BAD: variants seen among roughly 807,000 people sequenced by gnomAD.
The protein encoded by BAD is bcl2-associated agonist of cell death.
In BAD, 18 loss-of-function variants were observed where a neutral mutation model predicts 17.8. The ratio of observed to expected loss-of-function variants is 1.01; its 90% confidence interval spans 0.70 to 1.50. The LOEUF is 1.50. BAD is among the 40% of genes most tolerant of loss of function. The probability of loss-of-function intolerance (pLI) is 0.00; values close to 1 mark genes in which losing one functional copy is unlikely to be tolerated. For missense variants in BAD, 294 were observed against 239.3 expected (o/e 1.23, Z -1.51); for synonymous variants, 112 against 91.5 (o/e 1.22, Z -1.28).
intron 2 of BAD, among the ~76,000 whole-genome samples, chr11:64,273,923 ATGTC>A (rs1219355715): frequency 6.6e-6 from 1 of 150,866 alleles, no homozygotes; most frequent in Non-Finnish European, 1.5e-5. Flanking sequence ...ATGGCAAGAT[ATGTC>A]TGTCAGGGAG....
chr11:64,271,624 C>A lies in BAD; in HGVS notation c.367G>T (p.Asp123Tyr). The A allele has an allele frequency of 6.7e-7, 1 of 1,496,756 alleles. No individual in the cohort carries two copies. Among genetic ancestry groups the A allele is most frequent in the Non-Finnish European group, 8.9e-7 (1 of 1,122,978 alleles). The allele number at this position is 1,496,756 out of a possible 1,614,324, so 92.7% of individuals were successfully genotyped here. The stretch of plus-strand genomic sequence containing the variant: ...GGACTGGCGCTCACCTTAAAGGAGT[C>A]CACAAACTCGTCACTCATCCTCCGG... ...ELRRMSDEFV[D>Y]SFKKGLPRPK... is the part of the protein sequence containing the mutation. Residue 123 changes from aspartate to tyrosine, a missense_variant, in exon 3 of 4, where the codon GAC becomes TAC. Physicochemically the swap from Asp to Tyr is radical, Grantham distance 160. Coordinates refer to ENST00000309032, the MANE Select transcript of BAD (RefSeq NM_032989.3).
intron 2 of BAD, chr11:64,277,186 T>C: frequency 3.5e-6 from 2 of 579,592 alleles, no homozygotes; most frequent in Non-Finnish European, 6.2e-6. Flanking sequence ...GTTTGGATCC[T>C]GCCCCTACCA....
At chr11:64,280,783 T>G (rs2033416094) in intron 2 of BAD, among the ~76,000 whole-genome samples, 1 of 151,810 alleles carries the variant, frequency 6.6e-6, no homozygotes, top group African/African-American at 2.4e-5. Flanking sequence ...TTCTCCTGCC[T>G]CAGCCTCTCA....
chr11:64,270,106 G>A lies in BAD; in HGVS notation c.*103C>T. On this transcript the variant is annotated 3_prime_UTR_variant, in exon 4 of 4. Transcript: ENST00000309032. ...CCCTCCCTCCAAAGGAGACAGCACG[G>A]ATCCTCTTTTTGCATAGGCCTGAGG... The A allele has an allele frequency of 1.3e-6, 2 of 1,561,650 alleles. No homozygotes were observed. Among genetic ancestry groups the A allele is most frequent in the Non-Finnish European group, 1.7e-6 (2 of 1,143,534 alleles).
rs1491175311 is a variant in BAD at position 64,270,898 on chromosome 11, G to GACACACAC, written c.379-562_379-561insGTGTGTGT. ...GACTACAGATCCCAGCATGCCCTGT[G>GACACACAC]AGACACACACACACACACACACACA... On this transcript the variant is annotated intron_variant, in intron 3 of 3. Coordinates refer to ENST00000309032, the MANE Select transcript of BAD (RefSeq NM_032989.3). Among the ~76,000 whole-genome samples, 243 of 86,916 alleles carry GACACACAC rather than the reference G, an allele frequency of 2.8e-3. 25 individuals are homozygous for GACACACAC. Among genetic ancestry groups the GACACACAC allele is most frequent in the Non-Finnish European group, 3.9e-3 (166 of 42,416 alleles). 57.0% of individuals were successfully genotyped at this position (86,916 alleles called of 152,430 possible).
At chr11:64,280,934 C>G (rs948673063) in intron 2 of BAD, among the ~76,000 whole-genome samples, 5 of 151,456 alleles carry the variant, frequency 3.3e-5, no homozygotes, top group African/African-American at 1.2e-4. Flanking sequence ...TCCCGATGTG[C>G]TGGGATTACA....
At chr11:64,278,040 C>A (rs989116475) in intron 2 of BAD, among the ~76,000 whole-genome samples, 1 of 152,146 alleles carries the variant, frequency 6.6e-6, no homozygotes, top group African/African-American at 2.4e-5. Context: ...GTAATCCCAA[C>A]ACTTTGGGAG....
At chr11:64,277,041 T>A in intron 2 of BAD, 1 of 713,786 alleles carries the variant, frequency 1.4e-6, no homozygotes, top group East Asian at 2.7e-5. Flanking sequence ...TACGAAGTTC[T>A]CCCTGTTTTA....
intron 2 of BAD, among the ~76,000 whole-genome samples, chr11:64,279,601 A>G (rs1026768738): frequency 6.6e-6 from 1 of 151,652 alleles, no homozygotes; most frequent in African/African-American, 2.4e-5. Flanking sequence ...CCCCGTCTCC[A>G]CTAAAAACAC....
intron 2 of BAD, among the ~76,000 whole-genome samples, chr11:64,283,580 C>T (rs949154925): frequency 1.3e-5 from 2 of 152,208 alleles, no homozygotes; most frequent in East Asian, 1.9e-4. Flanking sequence ...GCTGTGGGTA[C>T]GAGCCACAGG....
intron 3 of BAD, among the ~76,000 whole-genome samples, 197 bp downstream of exon 3, chr11:64,271,416 G>T (rs560044787): frequency 1.0e-4 from 15 of 149,100 alleles, no homozygotes; most frequent in African/African-American, 3.4e-4. Context: ...CCAGGCGGGG[G>T]AAGAGCTGGG....
In BAD at chr11:64,284,391, T is replaced by A. The variant is rs371764981; in HGVS notation, c.-8-15A>T. 2 of 1,611,984 alleles carry A rather than the reference T, an allele frequency of 1.2e-6. No homozygotes were observed. Among genetic ancestry groups the A allele is most frequent in the Non-Finnish European group, 1.7e-6 (2 of 1,179,918 alleles). On this transcript the variant is annotated splice_polypyrimidine_tract_variant and intron_variant, in intron 1 of 3. Transcript: ENST00000309032. Reference sequence around the variant, plus strand: ...CATGCTCTGGGCTGTGAGGACAAGATGTTACGTAGTCAAGGCACAGCTGGG... The same window carrying A: ...CATGCTCTGGGCTGTGAGGACAAGAAGTTACGTAGTCAAGGCACAGCTGGG...
At chr11:64,282,174 C>T (rs1190590004) in intron 2 of BAD, among the ~76,000 whole-genome samples, 1 of 152,202 alleles carries the variant, frequency 6.6e-6, no homozygotes, top group East Asian at 1.9e-4. Flanking sequence ...GGCCCCCTAG[C>T]AACTGGAACA....
At position 64,269,949 on chromosome 11, in the gene BAD, C is replaced by G. The variant is rs796510497; in HGVS notation, c.*260G>C. 2.3e-5 allele frequency: 17 copies of G among 733,262 alleles called. No individual in the cohort carries two copies. In the African/African-American group the frequency reaches 3.0e-4, roughly 13 times the overall value. The allele number at this position is 733,262 out of a possible 1,614,324, so 45.4% of individuals were successfully genotyped here. On this transcript the variant is annotated 3_prime_UTR_variant, in exon 4 of 4. Transcript: ENST00000309032. ...CTGGCTCGCGACTTAGCGCAGGCGC[C>G]TGGGGGAAAGCCCGGAGCCTGAGGG...
chr11:64,277,062 A>C (rs1351739027), intron 2 of BAD: 3 of 706,342 alleles, frequency 4.2e-6, no homozygotes, highest in Non-Finnish European at 7.9e-6. Context: ...TAGATGAGGA[A>C]ACAGAGGCAC....
At position 64,284,344 on chromosome 11, in the gene BAD, G is replaced by A. The variant is rs2033699075; in HGVS notation, c.25C>T (p.Pro9Ser). 2 of 1,612,846 alleles carry A rather than the reference G, an allele frequency of 1.2e-6. No individual in the cohort carries two copies. The highest frequency in any genetic ancestry group is 1.7e-6 in the Non-Finnish European group (2 of 1,179,978). The change falls in exon 2 of 4, where the codon CCG (proline) becomes TCG (serine). Residue 9 changes from proline (P) to serine (S), a missense_variant. By Grantham distance (74) the Pro-to-Ser change is moderately conservative (BLOSUM62 -1). Transcript: ENST00000309032. MFQIPEFEPSEQEDSSSAE... is the reference protein window; with the variant it reads MFQIPEFESSEQEDSSSAE... ...GAGCTGGAGTCTTCCTGCTCACTCG[G>A]CTCAAACTCTGGGATCTGGAACATG...
chr11:64,284,619 C>T lies in BAD; in HGVS notation c.-9+12G>A. Reference sequence around the variant, plus strand: ...CCCCGCCCCGCCCGTGGTGACGGCGCACAGGTCTCACCCCAAGCCCGATCT... The same window carrying T: ...CCCCGCCCCGCCCGTGGTGACGGCGTACAGGTCTCACCCCAAGCCCGATCT... On this transcript the variant is annotated intron_variant, in intron 1 of 3. Transcript: ENST00000309032. The T allele has an allele frequency of 6.6e-7, 1 of 1,513,010 alleles. No homozygotes were observed. Among genetic ancestry groups the T allele is most frequent in the Non-Finnish European group, 8.8e-7 (1 of 1,134,938 alleles). The allele number at this position is 1,513,010 out of a possible 1,614,324, so 93.7% of individuals were successfully genotyped here.
At position 64,270,239 on chromosome 11, in the gene BAD, C is replaced by T. The variant is rs2032405752; in HGVS notation, c.477G>A (p.Leu159=). 1 of 1,612,232 alleles carries T rather than the reference C, an allele frequency of 6.2e-7. No homozygotes were observed. The highest frequency in any genetic ancestry group is 1.3e-5 in the African/African-American group (1 of 75,040). Residue 159 remains leucine, a synonymous_variant, in exon 4 of 4, where the codon TTG becomes TTA. Coordinates refer to ENST00000309032, the MANE Select transcript of BAD (RefSeq NM_032989.3). ...GGGAGGGGGCGGAGCTTCCCCTGCC[C>T]AAGTTCCGATCCCACCAGGACTGGA... ...RVFQSWWDRN[L]GRGSSAPSQ is the part of the protein sequence containing the mutation.
rs1306692120 is a variant in BAD, at chr11:64,269,842, G to T, written c.*367C>A. 1.4e-6 allele frequency: 1 copy of T among 694,066 alleles called. No individual in the cohort carries two copies. The highest frequency in any genetic ancestry group is 2.6e-6 in the Non-Finnish European group (1 of 381,594). 43.0% of individuals were successfully genotyped at this position (694,066 alleles called of 1,614,324 possible). ...ACAGAAAAGCCTCGGCGGCACAGAC[G>T]CGGGCTTTATTAACATTTGGTAGTG... On this transcript the variant is annotated 3_prime_UTR_variant, in exon 4 of 4. Transcript: ENST00000309032.
Sources: gnomAD v4.1 joint callset for allele counts (sites outside exome capture counted in the v4.1 genomes callset) on GRCh38, gnomAD v4.1.1 for gene constraint, MANE v1.5 for transcripts, NCBI Gene and HGNC (gene_info 2026-07-23, HGNC 2026-07-21) for gene names.